ADGRL2: variants seen among roughly 807,000 people sequenced by gnomAD.
The protein encoded by ADGRL2 is calcium-independent alpha-latrotoxin receptor 2.
In ADGRL2, 44 loss-of-function variants were observed where a neutral mutation model predicts 157.4. That is an observed-to-expected ratio of 0.28 (90% CI 0.22 to 0.36). ADGRL2 has a LOEUF of 0.36. Among genes scored for constraint, ADGRL2 ranks in the 10% least tolerant of loss-of-function variants. The pLI, the probability that ADGRL2 is intolerant of heterozygous loss-of-function variation, is 1.00. For missense variants in ADGRL2, 1,510 were observed against 1,768.9 expected (o/e 0.85, Z 2.63); for synonymous variants, 585 against 624.7 (o/e 0.94, Z 0.95).
chr1:81,952,035 G>A lies in ADGRL2; in HGVS notation c.1687G>A (p.Val563Ile). 1.2e-6 allele frequency: 2 copies of A among 1,613,818 alleles called. No homozygotes were observed. The highest frequency in any genetic ancestry group is 1.7e-6 in the Non-Finnish European group (2 of 1,179,738). The change falls in exon 9 of 24, where the codon GTA becomes ATA. Residue 563 changes from valine to isoleucine, a missense_variant. By Grantham distance (29) the Val-to-Ile change is conservative. Around this residue, in one of 4 missense-constraint regions of ADGRL2, gnomAD observed 325 missense variants for 333.2 expected, o/e 0.98. Transcript: ENST00000686636. ...CAAAGGGCCAGTGTTTGCTGGGGAT[G>A]TAAGTTCTTCAGTGAGATTGATGGA... ...HTKGPVFAGD[V>I]SSSVRLMEQL...
intron 1 of ADGRL2, among the ~76,000 whole-genome samples, chr1:81,398,824 TA>T: frequency 6.6e-6 from 1 of 152,322 alleles, no homozygotes; most frequent in Non-Finnish European, 1.5e-5. Context: ...TTACTGTTTT[TA>T]AAAATTCTCT....
At chr1:81,349,295 T>C (rs1662701660) in intron 1 of ADGRL2, among the ~76,000 whole-genome samples, 1 of 152,142 alleles carries the variant, frequency 6.6e-6, no homozygotes, top group Non-Finnish European at 1.5e-5. Flanking sequence ...AAGTGATAGG[T>C]GGCCATTCTT....
chr1:81,637,387 A>G (rs1228726832), intron 3 of ADGRL2, among the ~76,000 whole-genome samples: 1 of 152,176 alleles, frequency 6.6e-6, no homozygotes, highest in Admixed American at 6.6e-5. Flanking sequence ...TTCCACGGCT[A>G]GTAGGTAGTA....
intron 1 of ADGRL2, among the ~76,000 whole-genome samples, chr1:81,708,541 T>A (rs2083816579): frequency 1.3e-5 from 2 of 152,092 alleles, no homozygotes; most frequent in South Asian, 4.1e-4. Context: ...TATAATGATG[T>A]AGGCATAAAT....
chr1:81,868,067 G>GTGTA (rs1233262896), intron 2 of ADGRL2, among the ~76,000 whole-genome samples: 3 of 150,722 alleles, frequency 2.0e-5, no homozygotes, highest in Admixed American at 1.3e-4. Context: ...TGTGGTGTGT[G>GTGTA]TGTGTGTGTG....
chr1:81,503,474 C>T, intron 2 of ADGRL2: 2 of 1,610,654 alleles, frequency 1.2e-6, no homozygotes, highest in East Asian at 2.2e-5. Flanking sequence ...CTCTGATGGG[C>T]AGGACCCAGC....
At chr1:81,401,974 T>C (rs565063868) in intron 1 of ADGRL2, among the ~76,000 whole-genome samples, 1 of 151,408 alleles carries the variant, frequency 6.6e-6, no homozygotes, top group East Asian at 1.9e-4. Context: ...AGGATTAAAA[T>C]TAGTAATTGT....
At chr1:81,548,180 TACTTA>T (rs1225328707) in intron 2 of ADGRL2, among the ~76,000 whole-genome samples, 1 of 152,144 alleles carries the variant, frequency 6.6e-6, no homozygotes, top group African/African-American at 2.4e-5. Flanking sequence ...CACATAACAA[TACTTA>T]ACTTGCACTC....
rs115707406 is a variant in ADGRL2, at chr1:81,760,283, C to T, written c.-142-1528C>T. On this transcript the variant is annotated intron_variant, in intron 1 of 20. Transcript: ENST00000359929. ...AAAGGAAATATCTGATTAAAGTGTG[C>T]ATAGCTGCTGAGGCAACTGAATGTT... is the stretch of plus-strand genomic sequence containing the variant. 7.4e-3 allele frequency among the ~76,000 whole-genome samples: 1,130 copies of T among 152,156 alleles called. 17 individuals are homozygous for T. Among genetic ancestry groups the T allele is most frequent in the African/African-American group, 0.026 (1,093 of 41,536 alleles).
chr1:81,760,349 T>C (rs2085834381), intron 1 of ADGRL2, among the ~76,000 whole-genome samples: 1 of 152,120 alleles, frequency 6.6e-6, no homozygotes, highest in Non-Finnish European at 1.5e-5. Context: ...AGTGAGATAA[T>C]TAAATCTAAC....
intron 19 of ADGRL2, among the ~76,000 whole-genome samples, chr1:81,983,560 C>T (rs753478032): frequency 6.6e-6 from 1 of 152,032 alleles, no homozygotes; most frequent in Non-Finnish European, 1.5e-5. Context: ...TGCACACAGA[C>T]TTCTGAGTTG....
intron 2 of ADGRL2, among the ~76,000 whole-genome samples, chr1:81,474,603 C>T (rs1196667860): frequency 1.3e-5 from 2 of 152,162 alleles, no homozygotes; most frequent in Non-Finnish European, 2.9e-5. Flanking sequence ...GTCAGTTCAG[C>T]AAATGCAGTC....
intron 17 of ADGRL2, among the ~76,000 whole-genome samples, chr1:81,972,685 A>G (rs1659085451): frequency 6.6e-6 from 1 of 151,978 alleles, no homozygotes; most frequent in Non-Finnish European, 1.5e-5. Flanking sequence ...CTGAGGCAGG[A>G]GGATCACTTG....
chr1:81,461,291 T>C (rs915201596), intron 2 of ADGRL2, among the ~76,000 whole-genome samples: 2 of 152,112 alleles, frequency 1.3e-5, no homozygotes, highest in Non-Finnish European at 2.9e-5. Context: ...CTTTTTTTTT[T>C]CCTTTGGTTT....
intron 1 of ADGRL2, among the ~76,000 whole-genome samples, chr1:81,382,032 T>C (rs1375871021): frequency 6.6e-6 from 1 of 152,252 alleles, no homozygotes; most frequent in Non-Finnish European, 1.5e-5. Flanking sequence ...AATGTTTCAC[T>C]AATTATCGAC....
At chr1:81,675,711 A>G (rs1266281241) in intron 3 of ADGRL2, among the ~76,000 whole-genome samples, 2 of 151,722 alleles carry the variant, frequency 1.3e-5, no homozygotes, top group Non-Finnish European at 2.9e-5. Flanking sequence ...CCTCCCGAGT[A>G]GCTGGGATTA....
chr1:81,649,273 T>C (rs1408275732), intron 3 of ADGRL2, among the ~76,000 whole-genome samples: 2 of 152,200 alleles, frequency 1.3e-5, no homozygotes, highest in Middle Eastern at 3.2e-3. Flanking sequence ...AAAAACCTTT[T>C]CTCGCTGCTT....
intron 2 of ADGRL2, among the ~76,000 whole-genome samples, chr1:81,784,990 G>A (rs938094179): frequency 1.3e-5 from 2 of 152,058 alleles, no homozygotes; most frequent in African/African-American, 4.8e-5. Flanking sequence ...AATATGAGAA[G>A]CTTAGTTTTA....
intron 21 of ADGRL2, 58 bp from the exon 22 acceptor site, chr1:81,986,843 A>C: frequency 6.4e-7 from 1 of 1,559,490 alleles, no homozygotes; most frequent in Non-Finnish European, 8.7e-7. Flanking sequence ...TGTAACACTA[A>C]AATAAGAAAC....
Sources: gnomAD v4.1 joint callset for allele counts (sites outside exome capture counted in the v4.1 genomes callset) on GRCh38, gnomAD v4.1.1 for gene constraint, gnomAD v4.1.1 regional missense constraint, MANE v1.5 for transcripts, NCBI Gene and HGNC (gene_info 2026-07-23, HGNC 2026-07-21) for gene names.